Variants in TOX observed in about 807,000 individuals in gnomAD.
TOX encodes the protein thymocyte selection-associated high mobility group box protein TOX.
A neutral mutation model predicts 53.7 loss-of-function variants in TOX; 11 were observed. That is an observed-to-expected ratio of 0.20 (90% confidence interval 0.13 to 0.34). The LOEUF (loss-of-function observed/expected upper bound fraction) is 0.34, where lower values mean the gene tolerates loss of function less well. Ranked by LOEUF, TOX falls within the 10% of genes least tolerant of loss-of-function variation. The pLI, the probability that TOX is intolerant of heterozygous loss-of-function variation, is 1.00. For synonymous variants in TOX, 225 were observed against 245.3 expected (o/e 0.92, Z 0.77); for missense variants, 570 against 664.6 (o/e 0.86, Z 1.56).
At position 58,823,567 on chromosome 8, in the gene TOX, T is replaced by C. The variant is rs984317535; in HGVS notation, c.1005+3255A>G. ...ATGGAAGAAGTAATCACTGAAGCATTGTCAATCCTGTGACTCAATTTCACA... is the reference window on the plus strand; with the variant it reads ...ATGGAAGAAGTAATCACTGAAGCATCGTCAATCCTGTGACTCAATTTCACA... On this transcript the variant is annotated intron_variant, in intron 6 of 8. Coordinates refer to ENST00000361421, the MANE Select transcript of TOX (RefSeq NM_014729.3). Among the ~76,000 whole-genome samples, 5 of 152,182 alleles carry C rather than the reference T, an allele frequency of 3.3e-5. 1 individual carries two copies. Among genetic ancestry groups the C allele is most frequent in the African/African-American group, 1.2e-4 (5 of 41,448 alleles).
At chr8:59,014,341 T>C (rs1813969166) in intron 1 of TOX, among the ~76,000 whole-genome samples, 1 of 152,240 alleles carries the variant, frequency 6.6e-6, no homozygotes, top group African/African-American at 2.4e-5. Flanking sequence ...ATTGGACGCC[T>C]CCTCGTAAAA....
chr8:59,087,327 A>G (rs901225497), intron 1 of TOX, among the ~76,000 whole-genome samples: 13 of 152,230 alleles, frequency 8.5e-5, no homozygotes, highest in African/African-American at 2.9e-4. Flanking sequence ...AAGGTTAAAA[A>G]AAAATCAGAC....
At chr8:59,047,383 AT>A (rs939203508) in intron 1 of TOX, among the ~76,000 whole-genome samples, 9 of 147,652 alleles carry the variant, frequency 6.1e-5, no homozygotes, top group East Asian at 2.0e-4. Flanking sequence ...CGCCCAGCTA[AT>A]TTTTTTTTTA....
At chr8:58,958,740 T>C (rs1812750562) in intron 2 of TOX, among the ~76,000 whole-genome samples, 1 of 152,310 alleles carries the variant, frequency 6.6e-6, no homozygotes, top group South Asian at 2.1e-4. Context: ...TCAGGATCTT[T>C]GAACTTCATG....
chr8:58,905,822 C>T (rs898517387), intron 3 of TOX, among the ~76,000 whole-genome samples: 11 of 152,164 alleles, frequency 7.2e-5, no homozygotes, highest in Admixed American at 5.9e-4. Context: ...GATCCTATGG[C>T]AATGTTTAGT....
intron 3 of TOX, among the ~76,000 whole-genome samples, chr8:58,858,819 G>A (rs552827016): frequency 1.3e-5 from 2 of 152,254 alleles, no homozygotes; most frequent in Admixed American, 1.3e-4. Flanking sequence ...CTTGCTCTTG[G>A]CTGTCCATGC....
chr8:58,941,921 C>T (rs540328003), intron 2 of TOX, among the ~76,000 whole-genome samples: 6 of 151,880 alleles, frequency 4.0e-5, no homozygotes, highest in East Asian at 3.9e-4. Flanking sequence ...GGTGTGGTGG[C>T]GCATGCCTGT....
intron 1 of TOX, among the ~76,000 whole-genome samples, chr8:58,971,544 C>T (rs1813002891): frequency 6.6e-6 from 1 of 152,134 alleles, no homozygotes; most frequent in Admixed American, 6.5e-5. Context: ...ATGGTACTTC[C>T]CCCTCATGGC....
chr8:59,111,906 C>T (rs1260854755), intron 1 of TOX, among the ~76,000 whole-genome samples: 1 of 151,988 alleles, frequency 6.6e-6, no homozygotes, highest in Non-Finnish European at 1.5e-5. Flanking sequence ...TTTAAATCTC[C>T]CAAGCAAAAA....
intron 3 of TOX, among the ~76,000 whole-genome samples, chr8:58,922,420 G>A (rs1034000367): frequency 1.3e-5 from 2 of 152,174 alleles, no homozygotes; most frequent in African/African-American, 2.4e-5. Flanking sequence ...TCCTCCACCT[G>A]CTTCTATGGA....
At chr8:59,022,700 T>C (rs1264341152) in intron 1 of TOX, among the ~76,000 whole-genome samples, 1 of 152,176 alleles carries the variant, frequency 6.6e-6, no homozygotes, top group East Asian at 1.9e-4. Context: ...ATCTAAGATG[T>C]CTAGGTGGAA....
chr8:58,829,777 T>A (rs1284723190), intron 5 of TOX, among the ~76,000 whole-genome samples: 2 of 152,050 alleles, frequency 1.3e-5, no homozygotes, highest in African/African-American at 4.8e-5. Context: ...TATGAATGAA[T>A]GATAATGATA....
chr8:58,830,372 T>G (rs1166864341), intron 5 of TOX, among the ~76,000 whole-genome samples: 1 of 152,124 alleles, frequency 6.6e-6, no homozygotes, highest in Non-Finnish European at 1.5e-5. Context: ...CATACGTAGA[T>G]AGTCATCAAA....
intron 2 of TOX, among the ~76,000 whole-genome samples, chr8:58,946,454 AC>A (rs1812523294): frequency 6.6e-6 from 1 of 152,144 alleles, no homozygotes; most frequent in East Asian, 1.9e-4. Flanking sequence ...ATAGCTTGGG[AC>A]TATAATGTAT....
intron 1 of TOX, among the ~76,000 whole-genome samples, chr8:59,112,161 G>A (rs146377806): frequency 2.4e-3 from 370 of 152,260 alleles, no homozygotes; most frequent in Non-Finnish European, 3.7e-3. Context: ...CTCCCTTCTC[G>A]TCTTTTCTGC....
chr8:59,050,446 T>G (rs1390014163), intron 1 of TOX, among the ~76,000 whole-genome samples: 1 of 152,140 alleles, frequency 6.6e-6, no homozygotes, highest in African/African-American at 2.4e-5. Flanking sequence ...ACTCAACACG[T>G]TTTATTTCTT....
At chr8:58,914,815 C>A (rs1811976089) in intron 3 of TOX, among the ~76,000 whole-genome samples, 1 of 151,770 alleles carries the variant, frequency 6.6e-6, no homozygotes, top group Admixed American at 6.6e-5. Context: ...TAGGGAGTGC[C>A]AGACAGTGGG....
intron 1 of TOX, among the ~76,000 whole-genome samples, chr8:59,116,553 C>T (rs1805102128): frequency 6.6e-6 from 1 of 152,128 alleles, no homozygotes; most frequent in South Asian, 2.1e-4. Flanking sequence ...ACTCAAGTGC[C>T]TGGGATTTGT....
chr8:59,091,742 G>C (rs1378566677), intron 1 of TOX, among the ~76,000 whole-genome samples: 2 of 152,080 alleles, frequency 1.3e-5, no homozygotes, highest in East Asian at 3.9e-4. Context: ...CTCAGTGACT[G>C]GCATCCAACC....
Sources: allele counts gnomAD v4.1 joint callset (sites outside exome capture counted in the v4.1 genomes callset), GRCh38; gene constraint gnomAD v4.1.1; transcripts MANE v1.5; gene names NCBI Gene and HGNC (gene_info 2026-07-23, HGNC 2026-07-21).